PTPN3: variants seen among roughly 807,000 people sequenced by gnomAD.
PTPN3 encodes the protein tyrosine-protein phosphatase non-receptor type 3.
A neutral mutation model predicts 132.7 loss-of-function variants in PTPN3; 96 were observed. That is an observed-to-expected ratio of 0.72 (90% CI 0.61 to 0.86). The LOEUF is 0.86. Ranked by LOEUF, PTPN3 falls within the 40% of genes least tolerant of loss-of-function variation. PTPN3 has a pLI of 0.00. For synonymous variants in PTPN3, 398 were observed against 429.0 expected (o/e 0.93, Z 0.89); for missense variants, 1,125 against 1,159.6 (o/e 0.97, Z 0.43).
At chr9:109,414,845 G>A (rs547206834) in intron 14 of PTPN3, among the ~76,000 whole-genome samples, 79 of 152,322 alleles carry the variant, frequency 5.2e-4, no homozygotes, top group African/African-American at 1.8e-3. Flanking sequence ...CTGCTCACAG[G>A]TGACAGTTAC....
the PTPN3 span, among the ~76,000 whole-genome samples, chr9:109,538,257 A>G: frequency 0.32 from 49,159 of 152,104 alleles, 8,806 homozygotes; most frequent in Middle Eastern, 0.45. Context: ...CCCACAGGAT[A>G]ATCCCTCTTG....
intron 4 of PTPN3, 56 bp downstream of exon 4, chr9:109,457,117 C>A (rs1319438644): frequency 6.4e-7 from 1 of 1,562,962 alleles, no homozygotes; most frequent in African/African-American, 1.4e-5. Context: ...AGGGGAGAAA[C>A]AGGCTGTGAT....
intron 2 of PTPN3, among the ~76,000 whole-genome samples, chr9:109,458,571 G>C (rs1845677979): frequency 6.6e-6 from 1 of 152,166 alleles, no homozygotes; most frequent in Non-Finnish European, 1.5e-5. Context: ...TTAGATAACT[G>C]TCAGGCCCCA....
chr9:109,397,072 A>G (rs1320929983), intron 19 of PTPN3, among the ~76,000 whole-genome samples: 4 of 152,222 alleles, frequency 2.6e-5, no homozygotes, highest in Non-Finnish European at 5.9e-5. Context: ...GGAAAAGGAC[A>G]GGAAAAAAAA....
chr9:109,426,092 C>G (rs1843261584), intron 12 of PTPN3, among the ~76,000 whole-genome samples: 1 of 149,406 alleles, frequency 6.7e-6, no homozygotes, highest in East Asian at 1.9e-4. Flanking sequence ...ACCTCTTATA[C>G]TTAGAGGGTA....
chr9:109,406,344 C>G, intron 18 of PTPN3, 118 bp downstream of exon 18: 5 of 1,317,614 alleles, frequency 3.8e-6, no homozygotes, highest in African/African-American at 1.5e-5. Flanking sequence ...CCTGAAGATT[C>G]TTGATTTTCA....
chr9:109,439,364 T>C (rs995604149), intron 7 of PTPN3, among the ~76,000 whole-genome samples: 29 of 137,812 alleles, frequency 2.1e-4, no homozygotes, highest in African/African-American at 8.2e-4. Context: ...AAAAAGCTTC[T>C]ACTTCATCTT....
At chr9:109,522,295 A>G in the PTPN3 span, among the ~76,000 whole-genome samples, 1 of 152,224 alleles carries the variant, frequency 6.6e-6, no homozygotes, top group African/African-American at 2.4e-5. Flanking sequence ...TGCAGGCTAT[A>G]GACCAAAGGC....
rs149147732 is a variant in PTPN3 at position 109,458,332 on chromosome 9, G to A, written c.139-933C>T. On this transcript the variant is annotated intron_variant, in intron 2 of 25. Transcript: ENST00000374541. Reference sequence around the variant, plus strand: ...AACAGGCCTTTGGATCAGATGGCCCGGCACAAAGGCCCAGGGATGGCAAAC... The same window carrying A: ...AACAGGCCTTTGGATCAGATGGCCCAGCACAAAGGCCCAGGGATGGCAAAC... Among the ~76,000 whole-genome samples, 808 of 152,294 alleles carry A rather than the reference G, an allele frequency of 5.3e-3. 6 individuals carry two copies. Among genetic ancestry groups the A allele is most frequent in the African/African-American group, 0.018 (763 of 41,566 alleles).
chr9:109,519,619 C>A, the PTPN3 span, among the ~76,000 whole-genome samples: 1 of 152,156 alleles, frequency 6.6e-6, no homozygotes, highest in African/African-American at 2.4e-5. Context: ...TGAAGCCAAA[C>A]AAACTTGCTG....
At chr9:109,464,644 A>C (rs1238764047) in intron 1 of PTPN3, among the ~76,000 whole-genome samples, 1 of 152,254 alleles carries the variant, frequency 6.6e-6, no homozygotes, top group African/African-American at 2.4e-5. Flanking sequence ...ACAACAACAA[A>C]AAAGAATATT....
intron 1 of PTPN3, among the ~76,000 whole-genome samples, chr9:109,471,444 A>G (rs184823168): frequency 6.6e-6 from 1 of 152,300 alleles, no homozygotes; most frequent in Admixed American, 6.5e-5. Flanking sequence ...TGCAGAGATC[A>G]TGCCCCTTTA....
At chr9:109,488,985 A>C (rs918306636) in intron 1 of PTPN3, among the ~76,000 whole-genome samples, 1 of 152,206 alleles carries the variant, frequency 6.6e-6, no homozygotes, top group African/African-American at 2.4e-5. Flanking sequence ...TAGGGCTGGA[A>C]CAGGGATGTG....
chr9:109,401,390 C>T (rs1841086020), intron 19 of PTPN3, among the ~76,000 whole-genome samples: 1 of 152,152 alleles, frequency 6.6e-6, no homozygotes, highest in Non-Finnish European at 1.5e-5. Flanking sequence ...TTAATAAACT[C>T]CCCAGGTGAT....
At chr9:109,534,038 TC>T in the PTPN3 span, 1 of 770,214 alleles carries the variant, frequency 1.3e-6, no homozygotes, top group Non-Finnish European at 2.4e-6. Context: ...CGAAGGTACC[TC>T]CTGGGGTTAT....
intron 21 of PTPN3, among the ~76,000 whole-genome samples, chr9:109,390,595 TATA>T: frequency 6.6e-6 from 1 of 152,170 alleles, no homozygotes; most frequent in South Asian, 2.1e-4. Context: ...AAACTTAAAG[TATA>T]ATAATAATAA....
intron 1 of PTPN3, among the ~76,000 whole-genome samples, chr9:109,465,862 C>T (rs1846080077): frequency 6.6e-6 from 1 of 151,986 alleles, no homozygotes; most frequent in South Asian, 2.1e-4. Context: ...ATTAATTCTC[C>T]ACAAACTTTC....
At chr9:109,447,475 C>T (rs1844939657) in intron 6 of PTPN3, among the ~76,000 whole-genome samples, 1 of 151,992 alleles carries the variant, frequency 6.6e-6, no homozygotes, top group Admixed American at 6.5e-5. Flanking sequence ...GGTGATCAAG[C>T]AGAAGCCTGA....
chr9:109,477,992 G>C (rs1026813687), intron 1 of PTPN3, among the ~76,000 whole-genome samples: 90 of 152,222 alleles, frequency 5.9e-4, no homozygotes, highest in Admixed American at 3.9e-4. Flanking sequence ...GATAAACAAG[G>C]GGGCGGCAAC....
Sources: allele counts gnomAD v4.1 joint callset (sites outside exome capture counted in the v4.1 genomes callset), GRCh38; gene constraint gnomAD v4.1.1; transcripts MANE v1.5; gene names NCBI Gene and HGNC (gene_info 2026-07-23, HGNC 2026-07-21).